The following GRIK3 variants were observed in gnomAD, a reference collection of about 807,000 sequenced individuals.
The protein encoded by GRIK3 is glutamate ionotropic receptor kainate type subunit 3.
In GRIK3, 29 loss-of-function variants were observed where a neutral mutation model predicts 102.5. That is an observed-to-expected ratio of 0.28 (90% CI 0.21 to 0.39). The LOEUF (loss-of-function observed/expected upper bound fraction) is 0.39. Among genes scored for constraint, GRIK3 ranks in the 10% least tolerant of loss-of-function variants. The pLI is 1.00. For synonymous variants in GRIK3, 511 were observed against 504.9 expected (o/e 1.01, Z -0.16); for missense variants, 908 against 1,252.4 (o/e 0.73, Z 4.15).
chr1:36,800,645 T>C lies in GRIK3; in HGVS notation c.*1206A>G, dbSNP rs940604513. ...GGCCTCTGCCAGCTATGATATTATG[T>C]CCCTGGAAACTTTCTTTTCCTGGGG... On this transcript the variant is annotated 3_prime_UTR_variant, in exon 16 of 16. Coordinates refer to ENST00000373091, the MANE Select transcript of GRIK3 (RefSeq NM_000831.4). 16 of 152,230 alleles carry C rather than the reference T, an allele frequency of 1.1e-4. No individual in the cohort carries two copies. Among genetic ancestry groups the C allele is most frequent in the African/African-American group, 3.6e-4 (15 of 41,448 alleles). The allele number at this position is 152,230 out of a possible 1,614,324, so 9.4% of individuals were successfully genotyped here.
Position 37,034,190 on chromosome 1 carries a change from G to C in GRIK3, c.-82C>G, listed in dbSNP as rs1383034781. On this transcript the variant is annotated 5_prime_UTR_variant, in exon 1 of 16. Transcript: ENST00000373091. Reference sequence around the variant, plus strand: ...CAGCTCTAGGCGCGGGCGCGCAGCAGCCCCGAAGGCGCCGCCTGGCCCAGC... The same window carrying C: ...CAGCTCTAGGCGCGGGCGCGCAGCACCCCCGAAGGCGCCGCCTGGCCCAGC... The C allele has an allele frequency of 2.6e-6, 1 of 386,058 alleles. No homozygotes were observed. The highest frequency in any genetic ancestry group is 4.2e-6 in the Non-Finnish European group (1 of 237,150). The allele number at this position is 386,058 out of a possible 1,614,324, so 23.9% of individuals were successfully genotyped here.
intron 1 of GRIK3, among the ~76,000 whole-genome samples, chr1:36,947,691 T>C (rs1641800019): frequency 1.3e-5 from 2 of 152,070 alleles, no homozygotes; most frequent in Admixed American, 1.3e-4. Context: ...CCTTTATTTT[T>C]CTTCAAAGCA....
intron 2 of GRIK3, among the ~76,000 whole-genome samples, chr1:36,889,854 G>A (rs890481237): frequency 6.6e-6 from 1 of 152,110 alleles, no homozygotes; most frequent in African/African-American, 2.4e-5. Context: ...GTACCCACGA[G>A]GGCCTCTGCA....
chr1:37,017,684 T>C (rs1412965261), intron 1 of GRIK3, among the ~76,000 whole-genome samples: 1 of 152,174 alleles, frequency 6.6e-6, no homozygotes. Flanking sequence ...CAAACCTGAA[T>C]AGGCTTGTCA....
intron 1 of GRIK3, among the ~76,000 whole-genome samples, chr1:37,022,794 T>G (rs1393805040): frequency 6.6e-6 from 1 of 152,256 alleles, no homozygotes; most frequent in African/African-American, 2.4e-5. Context: ...TTATTAATTA[T>G]CTACTAGGAG....
chr1:36,812,788 G>A (rs1642578233), intron 13 of GRIK3, among the ~76,000 whole-genome samples: 1 of 152,038 alleles, frequency 6.6e-6, no homozygotes, highest in Admixed American at 6.6e-5. Context: ...TTAAGACTGT[G>A]TGCTTCCTAA....
intron 1 of GRIK3, among the ~76,000 whole-genome samples, chr1:36,918,070 T>C (rs1641422051): frequency 6.6e-6 from 1 of 152,130 alleles, no homozygotes; most frequent in Non-Finnish European, 1.5e-5. Flanking sequence ...AAAATATAGG[T>C]TTAAAGACAC....
chr1:36,893,000 T>C (rs1032565563), intron 1 of GRIK3, among the ~76,000 whole-genome samples: 13 of 152,146 alleles, frequency 8.5e-5, no homozygotes, highest in African/African-American at 3.1e-4. Flanking sequence ...AAGTTAGAAT[T>C]CAATCTTAAT....
intron 1 of GRIK3, among the ~76,000 whole-genome samples, chr1:36,975,933 G>A (rs887936279): frequency 6.6e-6 from 1 of 152,228 alleles, no homozygotes; most frequent in Admixed American, 6.5e-5. Flanking sequence ...TAAATTGAAT[G>A]ACATGAAATT....
chr1:36,926,637 C>T (rs1338424660), intron 1 of GRIK3, among the ~76,000 whole-genome samples: 9 of 152,112 alleles, frequency 5.9e-5, no homozygotes, highest in Non-Finnish European at 1.2e-4. Flanking sequence ...GATCTGTCCG[C>T]CTTGGCCTCC....
At chr1:36,860,222 G>A (rs1640706750) in intron 5 of GRIK3, among the ~76,000 whole-genome samples, 7 of 152,134 alleles carry the variant, frequency 4.6e-5, no homozygotes, top group Admixed American at 4.6e-4. Context: ...TCAGAACTTG[G>A]GCAACTGATC....
At position 36,891,513 on chromosome 1, in the gene GRIK3, A is replaced by G. The variant is rs568145387; in HGVS notation, c.116-417T>C. Among the ~76,000 whole-genome samples the G allele has an allele frequency of 2.0e-5, 3 of 152,384 alleles. No individual in the cohort carries two copies. The East Asian group carries it at 5.8e-4, about 29-fold the overall frequency. On this transcript the variant is annotated intron_variant, in intron 1 of 15. Coordinates refer to ENST00000373091, the MANE Select transcript of GRIK3 (RefSeq NM_000831.4). ...CAATAGTTCAAATAAGAAAAAAAAT[A>G]TAATCAACTCACAAAATGCAAGATG...
At chr1:37,022,309 G>A (rs1642722954) in intron 1 of GRIK3, among the ~76,000 whole-genome samples, 1 of 152,196 alleles carries the variant, frequency 6.6e-6, no homozygotes, top group African/African-American at 2.4e-5. Context: ...GCACAGCAGA[G>A]GTTCTCTTCC....
chr1:36,861,899 A>C (rs1167124547), intron 5 of GRIK3, among the ~76,000 whole-genome samples: 2 of 151,960 alleles, frequency 1.3e-5, no homozygotes, highest in Non-Finnish European at 2.9e-5. Context: ...TCCCTCTGAG[A>C]TGGCCAGAGG....
chr1:37,011,721 T>C (rs1332858612), intron 1 of GRIK3, among the ~76,000 whole-genome samples: 1 of 152,166 alleles, frequency 6.6e-6, no homozygotes, highest in Non-Finnish European at 1.5e-5. Context: ...CCCAGCACAG[T>C]AGAAGGGCTC....
intron 1 of GRIK3, among the ~76,000 whole-genome samples, chr1:36,998,149 T>G (rs1642439482): frequency 6.6e-6 from 1 of 152,222 alleles, no homozygotes; most frequent in Non-Finnish European, 1.5e-5. Context: ...AGTCTCTGAC[T>G]GGAAGACACT....
intron 7 of GRIK3, among the ~76,000 whole-genome samples, chr1:36,856,327 G>A (rs962388480): frequency 4.6e-5 from 7 of 152,220 alleles, no homozygotes; most frequent in East Asian, 3.9e-4. Context: ...GTCTGTGGGC[G>A]GGTGGACAGG....
chr1:36,848,693 T>C (rs1342943418), intron 9 of GRIK3, among the ~76,000 whole-genome samples: 1 of 152,090 alleles, frequency 6.6e-6, no homozygotes, highest in Non-Finnish European at 1.5e-5. Flanking sequence ...TTTATCCACA[T>C]CAATATCCCT....
intron 11 of GRIK3, among the ~76,000 whole-genome samples, chr1:36,824,907 C>G (rs1395689225): frequency 6.6e-6 from 1 of 152,182 alleles, no homozygotes. Flanking sequence ...CAGGTGTCTC[C>G]TCTTTAAGGG....
Sources: gnomAD v4.1 joint callset for allele counts (sites outside exome capture counted in the v4.1 genomes callset) on GRCh38, gnomAD v4.1.1 for gene constraint, MANE v1.5 for transcripts, NCBI Gene and HGNC (gene_info 2026-07-23, HGNC 2026-07-21) for gene names.